The following MAP3K20 variants were observed in gnomAD, a reference collection of about 807,000 sequenced individuals.
MAP3K20 encodes the protein mitogen-activated protein kinase kinase kinase 20.
Under a neutral mutation model 85.7 loss-of-function variants are expected in MAP3K20, and 40 were observed. The ratio of observed to expected loss-of-function variants is 0.47; its 90% CI spans 0.36 to 0.61. MAP3K20 has a LOEUF of 0.61. Among genes scored for constraint, MAP3K20 ranks in the 20% least tolerant of loss-of-function variants. The probability of loss-of-function intolerance (pLI) is 0.00; values close to 1 mark genes in which losing one functional copy is unlikely to be tolerated. For missense variants in MAP3K20, 817 were observed against 961.7 expected, an observed-to-expected ratio of 0.85 and a Z score of 1.99; for synonymous variants, 325 against 327.7, an observed-to-expected ratio of 0.99 and a Z score of 0.09.
chr2:173,086,717 G>A (rs1195806048), intron 1 of MAP3K20, among the ~76,000 whole-genome samples: 1 of 152,200 alleles, frequency 6.6e-6, no homozygotes, highest in Non-Finnish European at 1.5e-5. Context: ...GCACCCTTAG[G>A]TCAGTGTCAG....
intron 7 of MAP3K20, among the ~76,000 whole-genome samples, chr2:173,191,887 A>G (rs1175141088): frequency 6.6e-6 from 1 of 152,226 alleles, no homozygotes; most frequent in African/African-American, 2.4e-5. Flanking sequence ...GAGATGGGCC[A>G]TTTCCTGAGG....
intron 18 of MAP3K20, among the ~76,000 whole-genome samples, chr2:173,262,682 A>T (rs141069780): frequency 2.0e-5 from 3 of 152,308 alleles, no homozygotes; most frequent in East Asian, 3.9e-4. Flanking sequence ...AAAGTTTTAC[A>T]GCAGTTATTT....
chr2:173,132,399 T>C lies in MAP3K20; in HGVS notation c.160-37406T>C, dbSNP rs183163449. 2.4e-3 allele frequency among the ~76,000 whole-genome samples: 371 copies of C among 152,256 alleles called. 1 individual carries two copies. Among genetic ancestry groups the C allele is most frequent in the African/African-American group, 7.9e-3 (329 of 41,550 alleles). On this transcript the variant is annotated intron_variant, in intron 2 of 19. Transcript: ENST00000375213. ...CACCCCTTGCACCCCATGTAGGCTG[T>C]GTATCAGCTTTAAGAGAGGGAAGAA...
intron 16 of MAP3K20, among the ~76,000 whole-genome samples, chr2:173,257,947 A>C (rs567819212): frequency 6.6e-6 from 1 of 152,198 alleles, no homozygotes; most frequent in Non-Finnish European, 1.5e-5. Context: ...TTTTATTAAA[A>C]ATTTAATTAA....
intron 11 of MAP3K20, chr2:173,225,523 G>C (rs1684358983): frequency 1.1e-6 from 1 of 880,318 alleles, no homozygotes; most frequent in Admixed American, 6.3e-5. Context: ...GAACCCGGGA[G>C]GCAGAGGTTG....
chr2:173,266,479 C>A lies in MAP3K20; in HGVS notation c.2132C>A (p.Pro711His). The A allele has an allele frequency of 6.2e-7, 1 of 1,614,108 alleles. No individual in the cohort carries two copies. Among genetic ancestry groups the A allele is most frequent in the Non-Finnish European group, 8.5e-7 (1 of 1,180,000 alleles). ...QHSTPSRGRY[P>H]GKFYRVSQSA... is the part of the protein sequence containing the mutation. ...TCCACTCCTTCAAGAGGAAGATACCCTGGAAAGTTCTACAGGGTTTCTCAG... is the reference window on the plus strand; with the variant it reads ...TCCACTCCTTCAAGAGGAAGATACCATGGAAAGTTCTACAGGGTTTCTCAG... The change falls in exon 20 of 20, where the codon CCT becomes CAT. Residue 711 changes from proline (P) to histidine (H), a missense_variant. Physicochemically the swap from Pro to His is moderately conservative, Grantham distance 77. Around this residue, in one of 4 missense-constraint regions of MAP3K20, gnomAD observed 454 missense variants for 476.9 expected, o/e 0.95. Transcript: ENST00000375213.
chr2:173,170,456 A>G (rs72908952), intron 3 of MAP3K20, among the ~76,000 whole-genome samples: 1,528 of 152,354 alleles, frequency 0.01, 12 homozygotes, highest in Middle Eastern at 0.034. Context: ...GTTTTGCCAC[A>G]TGAAAATACA....
At chr2:173,091,880 G>T (rs1327163410) in intron 2 of MAP3K20, among the ~76,000 whole-genome samples, 1 of 152,216 alleles carries the variant, frequency 6.6e-6, no homozygotes, top group African/African-American at 2.4e-5. Flanking sequence ...TTGGTACCAT[G>T]AGAATAAAAG....
chr2:173,241,472 G>A (rs116554025), intron 16 of MAP3K20, among the ~76,000 whole-genome samples: 19 of 152,204 alleles, frequency 1.2e-4, no homozygotes, highest in African/African-American at 4.3e-4. Flanking sequence ...AAGTAGCTGG[G>A]TGTAGTCGTG....
Position 173,075,931 on chromosome 2 carries a change from AC to A in MAP3K20, c.-101del. On this transcript the variant is annotated 5_prime_UTR_variant, in exon 1 of 20. Coordinates refer to ENST00000375213, the MANE Select transcript of MAP3K20 (RefSeq NM_016653.3). ...AGCCGCGCGGGCCGCTGTCGTCCCA[AC>A]CCCCGCCGCCCTCGTCGCGCGCGGG... 1.0e-6 allele frequency: 1 copy of A among 984,434 alleles called. No individual in the cohort carries two copies. The highest frequency in any genetic ancestry group is 4.7e-5 in the South Asian group (1 of 21,260). 61.0% of individuals were successfully genotyped at this position (984,434 alleles called of 1,614,324 possible). A position where few individuals can be genotyped will look rare whatever the true frequency, so the allele number is the denominator to read the frequency against.
At chr2:173,141,698 C>T (rs1423582912) in intron 2 of MAP3K20, among the ~76,000 whole-genome samples, 2 of 152,082 alleles carry the variant, frequency 1.3e-5, no homozygotes. Flanking sequence ...AAACCATACA[C>T]TTACAGTTCC....
chr2:173,263,923 G>A (rs1452009208), intron 19 of MAP3K20, 28 bp downstream of exon 19: 5 of 1,577,882 alleles, frequency 3.2e-6, no homozygotes, highest in Admixed American at 2.0e-5. Flanking sequence ...TATTAGATGT[G>A]TGCTAGATTC....
intron 2 of MAP3K20, among the ~76,000 whole-genome samples, chr2:173,148,815 T>C (rs1469560468): frequency 6.6e-6 from 1 of 152,236 alleles, no homozygotes; most frequent in Non-Finnish European, 1.5e-5. Flanking sequence ...TTTGACTGTA[T>C]AGCTCTGAGG....
chr2:173,133,518 T>TA (rs1342130104), intron 2 of MAP3K20, among the ~76,000 whole-genome samples: 1 of 152,120 alleles, frequency 6.6e-6, no homozygotes, highest in African/African-American at 2.4e-5. Flanking sequence ...TTCAGAGAGT[T>TA]AAAGAGCATA....
At chr2:173,250,995 C>T (rs148983039) in intron 16 of MAP3K20, among the ~76,000 whole-genome samples, 56 of 152,252 alleles carry the variant, frequency 3.7e-4, no homozygotes, top group African/African-American at 1.1e-3. Context: ...CGGGATGTTC[C>T]ACTCTCCTGC....
chr2:173,178,641 CA>C (rs1365894551), intron 3 of MAP3K20, among the ~76,000 whole-genome samples: 9 of 151,966 alleles, frequency 5.9e-5, no homozygotes, highest in Admixed American at 5.9e-4. Flanking sequence ...AAGACTGTTT[CA>C]AAAAATAATA....
rs761743521 is a variant in MAP3K20, at chr2:173,197,998, T to C, written c.583-28T>C. The stretch of plus-strand genomic sequence containing the variant: ...TACCAAAAAATATAAAGTACAAAAA[T>C]AAAAATTCCATTTTCTTTTTGTTCC... On this transcript the variant is annotated intron_variant, in intron 7 of 19. Transcript: ENST00000375213. 4 of 1,593,708 alleles carry C rather than the reference T, an allele frequency of 2.5e-6. No homozygotes were observed. The South Asian group carries it at 3.4e-5, about 13-fold the overall frequency.
chr2:173,181,946 C>CT (rs1428529986), intron 3 of MAP3K20, among the ~76,000 whole-genome samples: 1 of 150,454 alleles, frequency 6.6e-6, no homozygotes, highest in Non-Finnish European at 1.5e-5. Flanking sequence ...GTCCCAGCTA[C>CT]TTGGGAGGCT....
intron 1 of MAP3K20, among the ~76,000 whole-genome samples, chr2:173,083,782 T>C (rs180938845): frequency 6.6e-6 from 1 of 152,340 alleles, no homozygotes; most frequent in East Asian, 1.9e-4. Flanking sequence ...AATACTAGCA[T>C]AAATATCAAG....
Sources: gnomAD v4.1 joint callset for allele counts (sites outside exome capture counted in the v4.1 genomes callset) on GRCh38, gnomAD v4.1.1 for gene constraint, gnomAD v4.1.1 regional missense constraint, MANE v1.5 for transcripts, NCBI Gene and HGNC (gene_info 2026-07-23, HGNC 2026-07-21) for gene names.